FAM171A2: variants seen among roughly 807,000 people sequenced by gnomAD.
FAM171A2 encodes family with sequence similarity 171 member A2.
A neutral mutation model predicts 34.2 loss-of-function variants in FAM171A2; 13 were observed. The observed-to-expected ratio is 0.38, with a 90% CI of 0.25 to 0.60. The LOEUF is 0.60. Ranked by LOEUF, FAM171A2 falls within the 20% of genes least tolerant of loss-of-function variation. The probability of loss-of-function intolerance (pLI) is 0.62; values close to 1 mark genes in which losing one functional copy is unlikely to be tolerated. For synonymous variants in FAM171A2, 475 were observed against 561.2 expected (o/e 0.85, Z 2.17); for missense variants, 950 against 1,180.7 (o/e 0.80, Z 2.86).
rs982312319 is a variant in FAM171A2, at chr17:44,363,772, G to A, written c.-58C>T. On this transcript the variant is annotated 5_prime_UTR_variant, in exon 1 of 8. Transcript: ENST00000293443. The stretch of plus-strand genomic sequence containing the variant: ...GCTCCCGCCTGGTCCCGCTCGCCCG[G>A]CCCCGCGCAGCCCCAGCTCTGCGCC... 61 of 766,784 alleles carry A rather than the reference G, an allele frequency of 8.0e-5. No homozygotes were observed. Among genetic ancestry groups the A allele is most frequent in the South Asian group, 1.3e-4 (2 of 15,304 alleles). The allele number at this position is 766,784 out of a possible 1,614,324, so 47.5% of individuals were successfully genotyped here.
chr17:44,361,336 A>T lies in FAM171A2; in HGVS notation c.119-1204T>A, dbSNP rs141292611. Among the ~76,000 whole-genome samples, 51 of 152,212 alleles carry T rather than the reference A, an allele frequency of 3.4e-4. No homozygotes were observed. The East Asian group carries it at 9.1e-3, about 27-fold the overall frequency. On this transcript the variant is annotated intron_variant, in intron 1 of 7. Transcript: ENST00000293443. ...CAAGGTGTGTCATGCATGTATGGAC[A>T]CCTCAGTGGGGGGCCCAGGAGACAG...
Position 44,354,014 on chromosome 17 carries a change from T to A in FAM171A2, c.2200A>T (p.Ser734Cys). 1 of 1,190,424 alleles carries A rather than the reference T, an allele frequency of 8.4e-7. No individual in the cohort carries two copies. The allele number at this position is 1,190,424 out of a possible 1,614,324, so 73.7% of individuals were successfully genotyped here. ...CAGAGGCCCGTGCGGCTCTCGCTGC[T>A]GCTGGGCTCCGTGTCCTCGCTGAGC... ...LALSEDTEPS[S>C]SESRTGLCSP... The change falls in exon 8 of 8, where the codon AGC becomes TGC. Residue 734 changes from serine (S) to cysteine (C), a missense_variant. Coordinates refer to ENST00000293443, the MANE Select transcript of FAM171A2 (RefSeq NM_198475.3). The surrounding 1 kb of genome is among the most constrained non-coding windows in gnomAD (Gnocchi z 5.8).
chr17:44,360,197 C>T, intron 1 of FAM171A2, 65 bp from the exon 2 acceptor site: 1 of 1,355,038 alleles, frequency 7.4e-7, no homozygotes, highest in South Asian at 1.3e-5. Context: ...GGGGGGAGCC[C>T]CAAGATCAGA....
chr17:44,356,651 GA>G (rs1467639004), intron 3 of FAM171A2, 63 bp from the exon 4 acceptor site: 46 of 1,462,664 alleles, frequency 3.1e-5, no homozygotes, highest in Non-Finnish European at 4.0e-5. Flanking sequence ...GACCAGAGCA[GA>G]AACCCATTAT....
chr17:44,356,636 C>T (rs1339454563), intron 3 of FAM171A2, 48 bp from the exon 4 acceptor site: 9 of 1,492,504 alleles, frequency 6.0e-6, no homozygotes, highest in South Asian at 1.3e-5. Flanking sequence ...ACAGGGATCC[C>T]CAGGGACCAG....
chr17:44,360,185 C>T lies in FAM171A2; in HGVS notation c.119-53G>A. On this transcript the variant is annotated intron_variant, in intron 1 of 7. Coordinates refer to ENST00000293443, the MANE Select transcript of FAM171A2 (RefSeq NM_198475.3). ...GAGGACGAGGGAGGGGGAAAGAGAA[C>T]TGGGGGGAGCCCCAAGATCAGAGGA... The T allele has an allele frequency of 9.1e-6, 13 of 1,425,510 alleles. No homozygotes were observed. The South Asian group carries it at 1.5e-4, about 17-fold the overall frequency. The allele number at this position is 1,425,510 out of a possible 1,614,324, so 88.3% of individuals were successfully genotyped here. A position where few individuals can be genotyped will look rare whatever the true frequency, so the allele number is the denominator to read the frequency against.
Position 44,354,619 on chromosome 17 carries a change from A to C in FAM171A2, c.1595T>G (p.Val532Gly). 4 of 1,271,666 alleles carry C rather than the reference A, an allele frequency of 3.1e-6. No individual in the cohort carries two copies. The highest frequency in any genetic ancestry group is 4.0e-6 in the Non-Finnish European group (4 of 1,006,386). 78.8% of individuals were successfully genotyped at this position (1,271,666 alleles called of 1,614,324 possible). A position where few individuals can be genotyped will look rare whatever the true frequency, so the allele number is the denominator to read the frequency against. The change falls in exon 8 of 8, where the codon GTC becomes GGC. Residue 532 changes from valine to glycine, a missense_variant. Around this residue, in one of 3 missense-constraint regions of FAM171A2, gnomAD observed 752 missense variants for 924.5 expected, o/e 0.81. Transcript: ENST00000293443. This position sits in a 1 kb window ranked among gnomAD's most constrained non-coding sequence, Gnocchi z 5.8. ...CAGGGTGGGCATGACGTTGCGGTAGACGTTGTCCTTGAGGTGGTCGATGGA... is the reference window on the plus strand; with the variant it reads ...CAGGGTGGGCATGACGTTGCGGTAGCCGTTGTCCTTGAGGTGGTCGATGGA... The part of the protein sequence containing the change: ...CGSIDHLKDN[V>G]YRNVMPTLVI...
In FAM171A2 at chr17:44,355,118, C is replaced by G; in HGVS notation, c.1096G>C (p.Asp366His). 6.4e-7 allele frequency: 1 copy of G among 1,551,032 alleles called. No homozygotes were observed. Among genetic ancestry groups the G allele is most frequent in the Non-Finnish European group, 8.7e-7 (1 of 1,146,930 alleles). The change falls in exon 8 of 8, where the codon GAC becomes CAC. Residue 366 changes from aspartate to histidine, a missense_variant. Asp to His is a moderately conservative substitution (Grantham distance 81). Around this residue, in one of 3 missense-constraint regions of FAM171A2, gnomAD observed 752 missense variants for 924.5 expected, o/e 0.81. Coordinates refer to ENST00000293443, the MANE Select transcript of FAM171A2 (RefSeq NM_198475.3). The surrounding 1 kb of genome is among the most constrained non-coding windows in gnomAD (Gnocchi z 4.1). Reference sequence around the variant, plus strand: ...AGCTGGGACATCGAGGTGGCCTGGTCTCGTTTGTTACCGTCAGAGGGCCCC... The same window carrying G: ...AGCTGGGACATCGAGGTGGCCTGGTGTCGTTTGTTACCGTCAGAGGGCCCC... ...LSGPSDGNKR[D>H]QATSMSQLHL...
rs1333594339 is a variant in FAM171A2 at position 44,363,661 on chromosome 17, C to A, written c.54G>T (p.Gly18=). Residue 18 remains glycine (G), a synonymous_variant, in exon 1 of 8, where the codon GGG becomes GGT. Coordinates refer to ENST00000293443, the MANE Select transcript of FAM171A2 (RefSeq NM_198475.3). ...SVLARLLPLL[G]LLLGSASRAP... ...CCCGGGAGGCGCTGCCGAGCAGCAGCCCCAGCAGCGGCAACAGCCGCGCGA... is the reference window on the plus strand; with the variant it reads ...CCCGGGAGGCGCTGCCGAGCAGCAGACCCAGCAGCGGCAACAGCCGCGCGA... 1.6e-6 allele frequency: 2 copies of A among 1,227,648 alleles called. No individual in the cohort carries two copies. Among genetic ancestry groups the A allele is most frequent in the Non-Finnish European group, 2.0e-6 (2 of 984,864 alleles). 76.0% of individuals were successfully genotyped at this position (1,227,648 alleles called of 1,614,324 possible).
rs369305234 is a variant in FAM171A2, at chr17:44,360,101, G to A, written c.150C>T (p.Ser50=). 9.0e-6 allele frequency: 14 copies of A among 1,551,482 alleles called. No individual in the cohort carries two copies. The highest frequency in any genetic ancestry group is 1.2e-5 in the South Asian group (1 of 84,060). ...CCCGGGCCAGGGGCACCAGCTCCCC[G>A]CTCACATACACCTGCACCTTGATCA... ...EILIKVQVYV[S]GELVPLARAS... The change falls in exon 2 of 8, where the codon AGC becomes AGT. Residue 50 remains serine (S), a synonymous_variant. Coordinates refer to ENST00000293443, the MANE Select transcript of FAM171A2 (RefSeq NM_198475.3).
intron 1 of FAM171A2, among the ~76,000 whole-genome samples, chr17:44,361,517 T>A (rs547044787): frequency 6.6e-6 from 1 of 152,180 alleles, no homozygotes; most frequent in East Asian, 1.9e-4. Context: ...CACTCAGCAG[T>A]GACAGGTGTC....
Position 44,355,046 on chromosome 17 carries a change from G to C in FAM171A2, c.1168C>G (p.Pro390Ala). 6.5e-7 allele frequency: 1 copy of C among 1,541,738 alleles called. No homozygotes were observed. The highest frequency in any genetic ancestry group is 8.7e-7 in the Non-Finnish European group (1 of 1,143,252). Residue 390 changes from proline to alanine, a missense_variant, in exon 8 of 8, where the codon CCC becomes GCC. By Grantham distance (27) the Pro-to-Ala change is conservative. This residue lies in a region of FAM171A2 where 752 missense variants were observed against 924.5 expected (regional missense o/e 0.81). Transcript: ENST00000293443. This position sits in a 1 kb window ranked among gnomAD's most constrained non-coding sequence, Gnocchi z 4.1. ...AGGGGGCCTGGAGGCGGAGCCTCGG[G>C]GTCCCCCGACGGGGCGGGTTCCAGG... Reference protein sequence around the residue: ...GPLEPAPSGDPEAPPPGPLHS... With the variant: ...GPLEPAPSGDAEAPPPGPLHS...
intron 1 of FAM171A2, among the ~76,000 whole-genome samples, chr17:44,360,474 C>T (rs1024111609): frequency 1.3e-5 from 2 of 152,188 alleles, no homozygotes; most frequent in African/African-American, 2.4e-5. Flanking sequence ...GTGCATCTTA[C>T]AGTCAGTGGT....
At chr17:44,358,107 G>T (rs1049488676) in intron 3 of FAM171A2, among the ~76,000 whole-genome samples, 1 of 152,176 alleles carries the variant, frequency 6.6e-6, no homozygotes, top group African/African-American at 2.4e-5. Context: ...CTCAGCTCAG[G>T]GGAGGCCCTG....
intron 3 of FAM171A2, among the ~76,000 whole-genome samples, chr17:44,357,375 G>A (rs1258781306): frequency 6.6e-6 from 1 of 150,380 alleles, no homozygotes; most frequent in African/African-American, 2.4e-5. Flanking sequence ...AAGGCCGAGC[G>A]CGGTGGCTCA....
Position 44,363,667 on chromosome 17 carries a change from C to A in FAM171A2, c.48G>T (p.Leu16=). 8.2e-7 allele frequency: 1 copy of A among 1,226,330 alleles called. No individual in the cohort carries two copies. The highest frequency in any genetic ancestry group is 1.0e-6 in the Non-Finnish European group (1 of 984,004). The allele number at this position is 1,226,330 out of a possible 1,614,324, so 76.0% of individuals were successfully genotyped here. A position where few individuals can be genotyped will look rare whatever the true frequency, so the allele number is the denominator to read the frequency against. Residue 16 remains leucine (L), a synonymous_variant, in exon 1 of 8, where the codon CTG becomes CTT. Transcript: ENST00000293443. The stretch of plus-strand genomic sequence containing the variant: ...AGGCGCTGCCGAGCAGCAGCCCCAG[C>A]AGCGGCAACAGCCGCGCGAGGACGC... ...GPSVLARLLP[L]LGLLLGSASR... is the part of the protein sequence containing the mutation.
In FAM171A2 at chr17:44,354,069, C is replaced by G. The variant is rs1312142988; in HGVS notation, c.2145G>C (p.Pro715=). 1.8e-6 allele frequency: 2 copies of G among 1,110,100 alleles called. No homozygotes were observed. The highest frequency in any genetic ancestry group is 1.7e-5 in the African/African-American group (1 of 59,578). 68.8% of individuals were successfully genotyped at this position (1,110,100 alleles called of 1,614,324 possible). A position where few individuals can be genotyped will look rare whatever the true frequency, so the allele number is the denominator to read the frequency against. Residue 715 remains proline (P), a synonymous_variant, in exon 8 of 8, where the codon CCG becomes CCC. Transcript: ENST00000293443. The surrounding 1 kb of genome is among the most constrained non-coding windows in gnomAD (Gnocchi z 5.8). ...EERERAPPAA[P]PPPPAPPRLA... ...GGCGCGGGGGCGCGGGCGGCGGCGG[C>G]GGCGCGGCAGGCGGGGCGCGCTCCC...
chr17:44,353,727 C>T lies in FAM171A2; in HGVS notation c.*6G>A. ...GGGAGGGGCGGTGCCAGGCCCTGCG[C>T]GGGCGCTACTTGACGTTGAACACCA... On this transcript the variant is annotated 3_prime_UTR_variant, in exon 8 of 8. Coordinates refer to ENST00000293443, the MANE Select transcript of FAM171A2 (RefSeq NM_198475.3). The T allele has an allele frequency of 2.9e-6, 4 of 1,392,168 alleles. No homozygotes were observed. Among genetic ancestry groups the T allele is most frequent in the Non-Finnish European group, 3.7e-6 (4 of 1,069,682 alleles). 86.2% of individuals were successfully genotyped at this position (1,392,168 alleles called of 1,614,324 possible). A position where few individuals can be genotyped will look rare whatever the true frequency, so the allele number is the denominator to read the frequency against.
rs927684052 is a variant in FAM171A2 at position 44,353,866 on chromosome 17, C to A, written c.2348G>T (p.Ser783Ile). 12 of 1,370,126 alleles carry A rather than the reference C, an allele frequency of 8.8e-6. No homozygotes were observed. The African/African-American group carries it at 1.7e-4, about 19-fold the overall frequency. 84.9% of individuals were successfully genotyped at this position (1,370,126 alleles called of 1,614,324 possible). A position where few individuals can be genotyped will look rare whatever the true frequency, so the allele number is the denominator to read the frequency against. The change falls in exon 8 of 8, where the codon AGC (serine) becomes ATC (isoleucine). Residue 783 changes from serine (S) to isoleucine (I), a missense_variant. Ser to Ile is a moderately radical substitution (Grantham distance 142, BLOSUM62 -2). Coordinates refer to ENST00000293443, the MANE Select transcript of FAM171A2 (RefSeq NM_198475.3). ...SRGDSSRSSA[S>I]ELRRDSLTSP... The stretch of plus-strand genomic sequence containing the variant: ...GGTGAGCGAGTCGCGCCGCAGCTCG[C>A]TGGCGCTGCTGCGGGAGCTGTCCCC...
Sources: allele counts gnomAD v4.1 joint callset (sites outside exome capture counted in the v4.1 genomes callset), GRCh38; gene constraint gnomAD v4.1.1; regional missense constraint gnomAD v4.1.1; non-coding constraint Gnocchi (gnomAD v3.1); transcripts MANE v1.5; gene names NCBI Gene and HGNC (gene_info 2026-07-23, HGNC 2026-07-21).